DUSP10: variants seen among roughly 807,000 people sequenced by gnomAD.
DUSP10 encodes the protein dual specificity phosphatase 10.
In DUSP10, 14 loss-of-function variants were observed where a neutral mutation model predicts 30.8. That is an observed-to-expected ratio of 0.46 (90% CI 0.30 to 0.71). The LOEUF (loss-of-function observed/expected upper bound fraction) is 0.71, where lower values mean the gene tolerates loss of function less well. DUSP10 is among the 30% of genes least tolerant of loss of function. The pLI is 0.08. For synonymous variants in DUSP10, 254 were observed against 250.4 expected (o/e 1.01, Z -0.14); for missense variants, 550 against 619.4 (o/e 0.89, Z 1.19).
chr1:221,732,489 A>C (rs544583596), intron 2 of DUSP10, among the ~76,000 whole-genome samples: 7 of 152,338 alleles, frequency 4.6e-5, no homozygotes, highest in Non-Finnish European at 8.8e-5. Context: ...TCAAAATTCA[A>C]GAAAAAAGGC....
intron 1 of DUSP10, among the ~76,000 whole-genome samples, chr1:221,741,013 TAC>T (rs1391249423): frequency 6.6e-6 from 1 of 152,114 alleles, no homozygotes; most frequent in Non-Finnish European, 1.5e-5. Flanking sequence ...ATCATCCGTC[TAC>T]ACACGACCGT....
Position 221,739,014 on chromosome 1 carries a change from C to A in DUSP10, c.731G>T (p.Ser244Ile). Residue 244 changes from serine (S) to isoleucine (I), a missense_variant, in exon 2 of 4, where the codon AGC becomes ATC. Coordinates refer to ENST00000366899, the MANE Select transcript of DUSP10 (RefSeq NM_007207.6). ...IVYDENTNEP[S>I]RVMPSQPLHI... is the part of the protein sequence containing the mutation. Reference sequence around the variant, plus strand: ...AAGTGGCTGGGAGGGCATCACTCGGCTTGGTTCATTGGTATTCTCATCATA... The same window carrying A: ...AAGTGGCTGGGAGGGCATCACTCGGATTGGTTCATTGGTATTCTCATCATA... 6.2e-7 allele frequency: 1 copy of A among 1,614,186 alleles called. No homozygotes were observed. Among genetic ancestry groups the A allele is most frequent in the Non-Finnish European group, 8.5e-7 (1 of 1,180,034 alleles).
At chr1:221,727,557 T>C (rs984799556) in intron 2 of DUSP10, among the ~76,000 whole-genome samples, 6 of 152,226 alleles carry the variant, frequency 3.9e-5, no homozygotes, top group African/African-American at 1.4e-4. Context: ...CTTTCCTTTC[T>C]AATTCAACAT....
intron 2 of DUSP10, among the ~76,000 whole-genome samples, chr1:221,731,889 G>A (rs1661613462): frequency 1.3e-5 from 2 of 151,730 alleles, no homozygotes; most frequent in Non-Finnish European, 2.9e-5. Flanking sequence ...TTACAGGCAT[G>A]AGCCACCACA....
At chr1:221,740,863 T>C (rs1661934543) in intron 1 of DUSP10, among the ~76,000 whole-genome samples, 1 of 152,222 alleles carries the variant, frequency 6.6e-6, no homozygotes, top group Non-Finnish European at 1.5e-5. Flanking sequence ...CTTCCTCCTG[T>C]AGGCACAGGG....
chr1:221,702,271 A>C lies in DUSP10; in HGVS notation c.*141T>G. 1 of 937,616 alleles carries C rather than the reference A, an allele frequency of 1.1e-6. No homozygotes were observed. The highest frequency in any genetic ancestry group is 1.6e-6 in the Non-Finnish European group (1 of 625,614). 58.1% of individuals were successfully genotyped at this position (937,616 alleles called of 1,614,324 possible). A position where few individuals can be genotyped will look rare whatever the true frequency, so the allele number is the denominator to read the frequency against. On this transcript the variant is annotated 3_prime_UTR_variant, in exon 4 of 4. Transcript: ENST00000366899. The surrounding 1 kb of genome is among the most constrained non-coding windows in gnomAD (Gnocchi z 4.5). ...TAGTCTTCTTACACTTGTTAAAAAT[A>C]AAGTGTTTAAACAAGTTTGTTTCCA...
At chr1:221,723,269 G>A (rs1661329281) in intron 2 of DUSP10, among the ~76,000 whole-genome samples, 1 of 152,228 alleles carries the variant, frequency 6.6e-6, no homozygotes, top group Non-Finnish European at 1.5e-5. Context: ...CAAAGATTGA[G>A]TCATTTTCCA....
chr1:221,707,496 T>C (rs1660801941), intron 2 of DUSP10, among the ~76,000 whole-genome samples: 1 of 152,212 alleles, frequency 6.6e-6, no homozygotes, highest in Admixed American at 6.5e-5. Context: ...CCACGAGTTA[T>C]GGGTCTAGTA....
Position 221,702,805 on chromosome 1 carries a change from GCCAAGTATAAT to G in DUSP10, c.1184-139_1184-129del. ...AATAATGAATTAAAACAGTTTTAAA[GCCAAGTATAAT>G]CCACTAGTTCATTACGTATACTTAT... On this transcript the variant is annotated intron_variant, in intron 3 of 3. Coordinates refer to ENST00000366899, the MANE Select transcript of DUSP10 (RefSeq NM_007207.6). This position sits in a 1 kb window ranked among gnomAD's most constrained non-coding sequence, Gnocchi z 4.5. 2.0e-6 allele frequency: 2 copies of G among 1,008,396 alleles called. No individual in the cohort carries two copies. 62.5% of individuals were successfully genotyped at this position (1,008,396 alleles called of 1,614,324 possible).
chr1:221,734,463 C>T (rs1270276578), intron 2 of DUSP10, among the ~76,000 whole-genome samples: 2 of 152,196 alleles, frequency 1.3e-5, no homozygotes, highest in Non-Finnish European at 2.9e-5. Context: ...TTTGTACTGG[C>T]ACTATCATTT....
chr1:221,734,365 A>G (rs1331916155), intron 2 of DUSP10, among the ~76,000 whole-genome samples: 1 of 152,214 alleles, frequency 6.6e-6, no homozygotes, highest in Admixed American at 6.5e-5. Context: ...ATTAGTTAAC[A>G]GTCACCAAGT....
chr1:221,713,828 A>C (rs903707122), intron 2 of DUSP10, among the ~76,000 whole-genome samples: 1 of 152,210 alleles, frequency 6.6e-6, no homozygotes, highest in African/African-American at 2.4e-5. Context: ...CTGATATGTT[A>C]GATACCAATA....
intron 2 of DUSP10, among the ~76,000 whole-genome samples, chr1:221,714,089 C>T (rs1430315110): frequency 2.0e-5 from 3 of 152,084 alleles, no homozygotes; most frequent in East Asian, 1.9e-4. Flanking sequence ...AAAGTTGATA[C>T]CAGAATTTGC....
chr1:221,732,362 G>A (rs1571829758), intron 2 of DUSP10, among the ~76,000 whole-genome samples: 5 of 152,144 alleles, frequency 3.3e-5, no homozygotes, highest in Admixed American at 2.6e-4. Context: ...CAGATGAAGA[G>A]ATTAAATCAA....
At chr1:221,741,440 G>GA (rs1444774097) in intron 1 of DUSP10, among the ~76,000 whole-genome samples, 1 of 123,014 alleles carries the variant, frequency 8.1e-6, no homozygotes, top group Non-Finnish European at 1.9e-5. Context: ...GGAGTGTATA[G>GA]AGAGACCTGC....
chr1:221,714,833 C>T (rs1571814771), intron 2 of DUSP10, among the ~76,000 whole-genome samples: 1 of 152,164 alleles, frequency 6.6e-6, no homozygotes, highest in Non-Finnish European at 1.5e-5. Context: ...TTAACCCAGA[C>T]AAGGTAGCCA....
At chr1:221,737,384 G>A (rs1661808494) in intron 2 of DUSP10, 1 of 985,350 alleles carries the variant, frequency 1.0e-6, no homozygotes, top group Non-Finnish European at 1.2e-6. Context: ...ATTTGTAAGA[G>A]GCTAGACACA....
chr1:221,728,649 A>G (rs1440832071), intron 2 of DUSP10, among the ~76,000 whole-genome samples: 6 of 152,232 alleles, frequency 3.9e-5, no homozygotes. Context: ...TTCTTCACCT[A>G]CTTGAGGGAA....
intron 1 of DUSP10, among the ~76,000 whole-genome samples, chr1:221,741,585 T>C (rs1207769378): frequency 1.1e-4 from 16 of 152,082 alleles, no homozygotes; most frequent in Admixed American, 1.0e-3. Flanking sequence ...GAAAATTAAG[T>C]GGTTAGAGAA....
Sources: allele counts gnomAD v4.1 joint callset (sites outside exome capture counted in the v4.1 genomes callset), GRCh38; gene constraint gnomAD v4.1.1; non-coding constraint Gnocchi (gnomAD v3.1); transcripts MANE v1.5; gene names NCBI Gene and HGNC (gene_info 2026-07-23, HGNC 2026-07-21).